DNAH8: variants seen among roughly 807,000 people sequenced by gnomAD.
The protein encoded by DNAH8 is dynein axonemal heavy chain 8.
A neutral mutation model predicts 562.1 loss-of-function variants in DNAH8; 382 were observed. That is an observed-to-expected ratio of 0.68 (90% CI 0.63 to 0.74). DNAH8 has a LOEUF of 0.74. Ranked by LOEUF, DNAH8 falls within the 30% of genes least tolerant of loss-of-function variation. DNAH8 has a pLI of 0.00. For missense variants in DNAH8, 5,203 were observed against 5,620.4 expected, an observed-to-expected ratio of 0.93 and a Z score of 2.37; for synonymous variants, 1,881 against 1,919.4, an observed-to-expected ratio of 0.98 and a Z score of 0.52.
rs1337591682 is a variant in DNAH8, at chr6:38,884,013, T to G, written c.8259+15T>G. ...GGGGAGATCAGGTATGGCTGAAATA[T>G]CTCATATAGATGATCCTGAATTTGT... On this transcript the variant is annotated intron_variant, in intron 56 of 92. Transcript: ENST00000327475. 2 of 1,503,360 alleles carry G rather than the reference T, an allele frequency of 1.3e-6. No individual in the cohort carries two copies. The highest frequency in any genetic ancestry group is 2.8e-5 in the African/African-American group (2 of 71,612). 93.1% of individuals were successfully genotyped at this position (1,503,360 alleles called of 1,614,324 possible).
At chr6:38,817,125 C>T (rs1411084622) in intron 26 of DNAH8, among the ~76,000 whole-genome samples, 2 of 152,138 alleles carry the variant, frequency 1.3e-5, no homozygotes, top group African/African-American at 4.8e-5. Context: ...GGTGGATCAT[C>T]TTAGGTCAGG....
chr6:38,804,710 G>A (rs1050645346), intron 22 of DNAH8, among the ~76,000 whole-genome samples: 1 of 151,792 alleles, frequency 6.6e-6, no homozygotes, highest in Admixed American at 6.6e-5. Flanking sequence ...TTTTTGGAGT[G>A]AGAGAACATT....
intron 10 of DNAH8, among the ~76,000 whole-genome samples, chr6:38,760,712 T>C (rs988673908): frequency 6.6e-6 from 1 of 152,074 alleles, no homozygotes; most frequent in Non-Finnish European, 1.5e-5. Flanking sequence ...GCCCTCCTTG[T>C]GGTAATGACT....
At chr6:38,795,542 T>C (rs1362437945) in intron 21 of DNAH8, among the ~76,000 whole-genome samples, 1 of 150,042 alleles carries the variant, frequency 6.7e-6, no homozygotes, top group Non-Finnish European at 1.5e-5. Flanking sequence ...ATCTCACCAC[T>C]GCACTCCAGC....
rs755129005 is a variant in DNAH8 at position 38,894,815 on chromosome 6, ACT to A, written c.8702_8703del (p.Leu2901ProfsTer20). 1 of 1,613,734 alleles carries A rather than the reference ACT, an allele frequency of 6.2e-7. No homozygotes were observed. The highest frequency in any genetic ancestry group is 1.3e-5 in the African/African-American group (1 of 74,840). On this transcript the variant is annotated frameshift_variant, in exon 59 of 93. Transcript: ENST00000327475. LOFTEE classifies it high-confidence loss of function. Reference protein sequence around the residue: ...IKAEECASIPTLLSLFKHECS... With the variant: ...IKAEECASIPXLLSLFKHECS... Reference sequence around the variant, plus strand: ...AGCTGAGGAGTGCGCTTCAATCCCTACTCTCCTGTCCCTTTTCAAACACGAGT... The same window carrying A: ...AGCTGAGGAGTGCGCTTCAATCCCTACTCCTGTCCCTTTTCAAACACGAGT...
chr6:38,983,059 C>T (rs1375104285), intron 86 of DNAH8, among the ~76,000 whole-genome samples: 1 of 152,210 alleles, frequency 6.6e-6, no homozygotes, highest in East Asian at 1.9e-4. Context: ...GAGACTTCCT[C>T]AAGGTCACAG....
rs757640429 is a variant in DNAH8 at position 38,864,099 on chromosome 6, A to G, written c.6498+39A>G. ...CTTTAAATGCAATTTAATTAGTTTAATTGTTACAGACATAAATAAAACAAA... is the reference window on the plus strand; with the variant it reads ...CTTTAAATGCAATTTAATTAGTTTAGTTGTTACAGACATAAATAAAACAAA... On this transcript the variant is annotated intron_variant, in intron 45 of 92. Coordinates refer to ENST00000327475, the MANE Select transcript of DNAH8 (RefSeq NM_001206927.2). 2.5e-6 allele frequency: 4 copies of G among 1,570,420 alleles called. No homozygotes were observed. In the South Asian group the frequency reaches 3.5e-5, roughly 14 times the overall value.
Position 38,780,767 on chromosome 6 carries a change from G to A in DNAH8, c.2140-487G>A, listed in dbSNP as rs557776090. 3.9e-5 allele frequency among the ~76,000 whole-genome samples: 6 copies of A among 152,156 alleles called. No homozygotes were observed. The South Asian group carries it at 1.0e-3, about 26-fold the overall frequency. ...TAACACCTGGGTGATGAAAAAATCT[G>A]TACAACTAATCCTCATGACACGAGT... is the stretch of plus-strand genomic sequence containing the variant. On this transcript the variant is annotated intron_variant, in intron 15 of 92. Transcript: ENST00000327475.
At chr6:38,951,827 C>G (rs1327136621) in intron 82 of DNAH8, among the ~76,000 whole-genome samples, 3 of 151,900 alleles carry the variant, frequency 2.0e-5, no homozygotes, top group Non-Finnish European at 4.4e-5. Context: ...ACACAATAGC[C>G]AAAGTTTATG....
intron 1 of DNAH8, among the ~76,000 whole-genome samples, chr6:38,720,021 A>C (rs2127561137): frequency 6.6e-6 from 1 of 152,260 alleles, no homozygotes; most frequent in Middle Eastern, 3.4e-3. Context: ...GAAGTGAAAA[A>C]ACCTCTAAGC....
In DNAH8 at chr6:38,899,720, A is replaced by C. The variant is rs1779946997; in HGVS notation, c.9064-56A>C. On this transcript the variant is annotated intron_variant, in intron 61 of 92. Transcript: ENST00000327475. Reference sequence around the variant, plus strand: ...AAAACTTGGGCTCATTTAGTGCAAGAAAATGTAAACATTGCATTCTTTTTT... The same window carrying C: ...AAAACTTGGGCTCATTTAGTGCAAGCAAATGTAAACATTGCATTCTTTTTT... The C allele has an allele frequency of 1.9e-6, 3 of 1,599,094 alleles. No homozygotes were observed. In the East Asian group the frequency reaches 6.8e-5, roughly 36 times the overall value.
At chr6:38,922,867 A>G (rs753378908) in intron 71 of DNAH8, among the ~76,000 whole-genome samples, 191 bp from the exon 72 acceptor site, 1 of 152,238 alleles carries the variant, frequency 6.6e-6, no homozygotes, top group Admixed American at 6.5e-5. Flanking sequence ...TTGAAATTTT[A>G]TAAGGTAAAA....
At chr6:38,913,562 T>C (rs965111173) in intron 66 of DNAH8, among the ~76,000 whole-genome samples, 1 of 152,174 alleles carries the variant, frequency 6.6e-6, no homozygotes, top group Non-Finnish European at 1.5e-5. Flanking sequence ...GTCAAATAAG[T>C]TTCTTGGCCA....
In DNAH8 at chr6:38,723,472, G is replaced by C; in HGVS notation, c.525+1G>C. The C allele has an allele frequency of 6.2e-7, 1 of 1,602,808 alleles. No homozygotes were observed. On this transcript the variant is annotated splice_donor_variant, in intron 3 of 92. Transcript: ENST00000327475. LOFTEE classifies it high-confidence loss of function. ...AGAATTAATTTTGGATTGCCCATCT[G>C]TAAGTTTAAGTCTTATCATTATATT...
At chr6:38,774,159 A>G (rs928246558) in intron 12 of DNAH8, among the ~76,000 whole-genome samples, 3 of 152,086 alleles carry the variant, frequency 2.0e-5, no homozygotes, top group South Asian at 4.1e-4. Flanking sequence ...TTTGGTGAAT[A>G]TTGGTGTTTC....
intron 35 of DNAH8, among the ~76,000 whole-genome samples, chr6:38,844,603 G>C (rs1480747247): frequency 6.6e-6 from 1 of 152,072 alleles, no homozygotes; most frequent in Non-Finnish European, 1.5e-5. Context: ...CGTAGGCTGT[G>C]CTTTATTATA....
intron 69 of DNAH8, among the ~76,000 whole-genome samples, 168 bp downstream of exon 69, chr6:38,917,574 C>A (rs1050803787): frequency 6.6e-6 from 1 of 152,142 alleles, no homozygotes; most frequent in Non-Finnish European, 1.5e-5. Context: ...GATTTTAAAG[C>A]CAAATACCTT....
chr6:39,030,361 G>C lies in DNAH8; in HGVS notation c.14093G>C (p.Arg4698Thr), dbSNP rs1487188355. 1 of 1,614,188 alleles carries C rather than the reference G, an allele frequency of 6.2e-7. No homozygotes were observed. Among genetic ancestry groups the C allele is most frequent in the Non-Finnish European group, 8.5e-7 (1 of 1,180,030 alleles). ...TVLSPDHWIL[R>T]GVALLCDIK ...TTGTCCCCGGATCACTGGATCCTGA[G>C]AGGAGTGGCCCTTTTGTGTGACATC... Residue 4698 changes from arginine (R) to threonine (T), a missense_variant, in exon 93 of 93, where the codon AGA becomes ACA. Around this residue, in one of 6 missense-constraint regions of DNAH8, gnomAD observed 1,399 missense variants for 1,518.4 expected, o/e 0.92. Coordinates refer to ENST00000327475, the MANE Select transcript of DNAH8 (RefSeq NM_001206927.2).
At chr6:38,718,741 T>C (rs1762527753) in intron 1 of DNAH8, among the ~76,000 whole-genome samples, 2 of 152,216 alleles carry the variant, frequency 1.3e-5, no homozygotes, top group African/African-American at 4.8e-5. Flanking sequence ...GTGTTCACAG[T>C]CACAAAAGTC....
Sources: allele counts gnomAD v4.1 joint callset (sites outside exome capture counted in the v4.1 genomes callset), GRCh38; gene constraint gnomAD v4.1.1; regional missense constraint gnomAD v4.1.1; transcripts MANE v1.5; gene names NCBI Gene and HGNC (gene_info 2026-07-23, HGNC 2026-07-21).